ZNF223: variants seen among roughly 807,000 people sequenced by gnomAD.
ZNF223 encodes the protein zinc finger protein 223.
ZNF223 carries 9 observed loss-of-function variants against 12.3 expected under a neutral mutation model. The observed-to-expected ratio is 0.73, with a 90% CI of 0.44 to 1.28. The LOEUF (loss-of-function observed/expected upper bound fraction) is 1.28, where lower values mean the gene tolerates loss of function less well. Among genes scored for constraint, ZNF223 ranks in the 50% most tolerant of loss-of-function variants. ZNF223 has a pLI of 0.00. For synonymous variants in ZNF223, 171 were observed against 195.2 expected, an observed-to-expected ratio of 0.88 and a Z score of 1.03; for missense variants, 506 against 579.0, an observed-to-expected ratio of 0.87 and a Z score of 1.29.
At chr19:44,054,003 G>T (rs1331227135) in intron 1 of ZNF223, among the ~76,000 whole-genome samples, 2 of 152,138 alleles carry the variant, frequency 1.3e-5, no homozygotes, top group Non-Finnish European at 2.9e-5. Context: ...CAAGGCAGAA[G>T]AATTTTTCTT....
rs1341910660 is a variant in ZNF223 at position 44,066,677 on chromosome 19, A to T, written c.849A>T (p.Thr283=). The T allele has an allele frequency of 6.2e-7, 1 of 1,613,522 alleles. No homozygotes were observed. Residue 283 remains threonine (T), a synonymous_variant, in exon 5 of 5, where the codon ACA becomes ACT. Coordinates refer to ENST00000434772, the MANE Select transcript of ZNF223 (RefSeq NM_013361.6). ...TTCAGAAACATCAGAGAATTCACAC[A>T]GGGGAGAAGCCATTCAAATGTGAGA... is the stretch of plus-strand genomic sequence containing the variant. ...FQLQKHQRIH[T]GEKPFKCEIC... is the part of the protein sequence containing the mutation.
chr19:44,064,810 C>T (rs1437937427), intron 4 of ZNF223, among the ~76,000 whole-genome samples: 1 of 152,140 alleles, frequency 6.6e-6, no homozygotes, highest in Non-Finnish European at 1.5e-5. Context: ...AAATGTGGAT[C>T]TCCTATTGTA....
In ZNF223 at chr19:44,060,464, A is replaced by T. The variant is rs1393750472; in HGVS notation, c.25A>T (p.Thr9Ser). 14 of 1,613,950 alleles carry T rather than the reference A, an allele frequency of 8.7e-6. No homozygotes were observed. In the Admixed American group the frequency reaches 2.3e-4, roughly 27 times the overall value. The part of the protein sequence containing the change: MTMSKEAV[T>S]FKDVAVVFTE... The stretch of plus-strand genomic sequence containing the variant: ...ATGTTTGATGCTGTAGGAGGCAGTG[A>T]CCTTCAAGGATGTGGCAGTGGTCTT... Residue 9 changes from threonine to serine, a missense_variant, in exon 3 of 5, where the codon ACC becomes TCC. By Grantham distance (58) the Thr-to-Ser change is moderately conservative. Transcript: ENST00000434772.
At chr19:44,060,902 C>T (rs777035530) in intron 4 of ZNF223, 61 bp downstream of exon 4, 11 of 1,452,978 alleles carry the variant, frequency 7.6e-6, no homozygotes, top group Admixed American at 1.8e-5. Flanking sequence ...CTTCTGTGCA[C>T]GTCCAACTCC....
chr19:44,059,081 T>A (rs1385276002), intron 2 of ZNF223, among the ~76,000 whole-genome samples: 1 of 152,222 alleles, frequency 6.6e-6, no homozygotes, highest in Non-Finnish European at 1.5e-5. Flanking sequence ...TTCCCTTGTT[T>A]GGGTGTTCTG....
Position 44,066,651 on chromosome 19 carries a change from C to T in ZNF223, c.823C>T (p.Leu275Phe). ...GAGGGCCTTCATTCATGATTTCCAG[C>T]TTCAGAAACATCAGAGAATTCACAC... is the stretch of plus-strand genomic sequence containing the variant. ...CGRAFIHDFQ[L>F]QKHQRIHTGE... Residue 275 changes from leucine to phenylalanine, a missense_variant, in exon 5 of 5, where the codon CTT (leucine) becomes TTT (phenylalanine). Leu to Phe is a conservative substitution (Grantham distance 22). Coordinates refer to ENST00000434772, the MANE Select transcript of ZNF223 (RefSeq NM_013361.6). 1 of 1,614,170 alleles carries T rather than the reference C, an allele frequency of 6.2e-7. No homozygotes were observed. Among genetic ancestry groups the T allele is most frequent in the South Asian group, 1.1e-5 (1 of 91,086 alleles).
rs1005225650 is a variant in ZNF223, at chr19:44,066,998, C to A, written c.1170C>A (p.His390Gln). 1.9e-6 allele frequency: 3 copies of A among 1,613,046 alleles called. No homozygotes were observed. Among genetic ancestry groups the A allele is most frequent in the Non-Finnish European group, 2.5e-6 (3 of 1,179,206 alleles). The stretch of plus-strand genomic sequence containing the variant: ...TTACTAAGTCAGGTCTTGACTTGCA[C>A]CATAGAGCCCACACAGGAGAGAGAC... ...SYITKSGLDLHHRAHTGERPY... is the reference protein window; with the variant it reads ...SYITKSGLDLQHRAHTGERPY... Residue 390 changes from histidine (H) to glutamine (Q), a missense_variant, in exon 5 of 5, where the codon CAC (histidine) becomes CAA (glutamine). By Grantham distance (24) the His-to-Gln change is conservative. Transcript: ENST00000434772.
In ZNF223 at chr19:44,067,443, G is replaced by C. The variant is rs139461616; in HGVS notation, c.*166G>C. 4 of 879,566 alleles carry C rather than the reference G, an allele frequency of 4.5e-6. No individual in the cohort carries two copies. The South Asian group carries it at 5.7e-5, about 13-fold the overall frequency. 54.5% of individuals were successfully genotyped at this position (879,566 alleles called of 1,614,324 possible). A position where few individuals can be genotyped will look rare whatever the true frequency, so the allele number is the denominator to read the frequency against. Reference sequence around the variant, plus strand: ...AGCAGTTTGAAAATAAATTGTTGTCGATGATAGTCACCTTTAGTGCTGCAG... The same window carrying C: ...AGCAGTTTGAAAATAAATTGTTGTCCATGATAGTCACCTTTAGTGCTGCAG... On this transcript the variant is annotated 3_prime_UTR_variant, in exon 5 of 5. Transcript: ENST00000434772.
intron 2 of ZNF223, among the ~76,000 whole-genome samples, chr19:44,059,706 A>T (rs1008709437): frequency 6.6e-6 from 1 of 152,176 alleles, no homozygotes; most frequent in Non-Finnish European, 1.5e-5. Context: ...GTAGACATCC[A>T]TTCCCCTGGT....
intron 2 of ZNF223, among the ~76,000 whole-genome samples, chr19:44,056,930 T>C (rs1405562013): frequency 6.6e-6 from 1 of 152,004 alleles, no homozygotes; most frequent in East Asian, 1.9e-4. Context: ...AATGACAACC[T>C]GGGGCAAAAA....
chr19:44,060,039 A>G (rs1276146324), intron 2 of ZNF223, among the ~76,000 whole-genome samples: 1 of 152,194 alleles, frequency 6.6e-6, no homozygotes, highest in Non-Finnish European at 1.5e-5. Flanking sequence ...ATTATTGGGA[A>G]TACTGAGATT....
At position 44,067,457 on chromosome 19, in the gene ZNF223, T is replaced by G; in HGVS notation, c.*180T>G. 1.3e-6 allele frequency: 1 copy of G among 799,652 alleles called. No individual in the cohort carries two copies. Among genetic ancestry groups the G allele is most frequent in the Non-Finnish European group, 2.1e-6 (1 of 485,700 alleles). 49.5% of individuals were successfully genotyped at this position (799,652 alleles called of 1,614,324 possible). ...AAATTGTTGTCGATGATAGTCACCTTTAGTGCTGCAGAACAGCAGAACTTC... is the reference window on the plus strand; with the variant it reads ...AAATTGTTGTCGATGATAGTCACCTGTAGTGCTGCAGAACAGCAGAACTTC... On this transcript the variant is annotated 3_prime_UTR_variant, in exon 5 of 5. Coordinates refer to ENST00000434772, the MANE Select transcript of ZNF223 (RefSeq NM_013361.6).
At chr19:44,053,694 G>C (rs1976729603) in intron 1 of ZNF223, among the ~76,000 whole-genome samples, 1 of 152,108 alleles carries the variant, frequency 6.6e-6, no homozygotes, top group South Asian at 2.1e-4. Context: ...TCGGGCTGGG[G>C]GACGGTCAGG....
intron 4 of ZNF223, 128 bp downstream of exon 4, chr19:44,060,969 G>A (rs1209458089): frequency 9.5e-6 from 9 of 951,024 alleles, no homozygotes; most frequent in Non-Finnish European, 1.5e-5. Context: ...CCTCCTTCCA[G>A]CTAGTGGCCC....
chr19:44,058,157 C>G (rs545733475), intron 2 of ZNF223, among the ~76,000 whole-genome samples: 1 of 152,272 alleles, frequency 6.6e-6, no homozygotes, highest in Admixed American at 6.5e-5. Flanking sequence ...GCAGTTCCTC[C>G]CCATAATATT....
At chr19:44,059,199 A>C (rs1976806161) in intron 2 of ZNF223, among the ~76,000 whole-genome samples, 1 of 152,208 alleles carries the variant, frequency 6.6e-6, no homozygotes, top group African/African-American at 2.4e-5. Context: ...CGGCCCTTAC[A>C]GAGAGGAATA....
intron 2 of ZNF223, among the ~76,000 whole-genome samples, chr19:44,057,063 T>C (rs753072909): frequency 2.6e-5 from 4 of 152,176 alleles, no homozygotes; most frequent in Non-Finnish European, 2.9e-5. Flanking sequence ...AAAGAAGAAA[T>C]AGAGATCGCC....
intron 2 of ZNF223, among the ~76,000 whole-genome samples, chr19:44,060,097 A>T (rs1976816614): frequency 6.6e-6 from 1 of 152,242 alleles, no homozygotes; most frequent in African/African-American, 2.4e-5. Flanking sequence ...GGTCGGGCAG[A>T]TACTGACTGA....
chr19:44,061,658 A>G (rs1976841005), intron 4 of ZNF223, among the ~76,000 whole-genome samples: 1 of 152,216 alleles, frequency 6.6e-6, no homozygotes, highest in South Asian at 2.1e-4. Context: ...CTTCAATGAC[A>G]TCTGCAGCCT....
Sources: allele counts gnomAD v4.1 joint callset (sites outside exome capture counted in the v4.1 genomes callset), GRCh38; gene constraint gnomAD v4.1.1; transcripts MANE v1.5; gene names NCBI Gene and HGNC (gene_info 2026-07-23, HGNC 2026-07-21).